The following GLYATL3 variants were observed in gnomAD, a reference collection of about 807,000 sequenced individuals.
GLYATL3 encodes the protein glycine N-acyltransferase-like protein 3.
A neutral mutation model predicts 28.5 loss-of-function variants in GLYATL3; 31 were observed. The ratio of observed to expected loss-of-function variants is 1.09; its 90% CI spans 0.82 to 1.47. The LOEUF is 1.47. GLYATL3 is among the 40% of genes most tolerant of loss of function. GLYATL3 has a pLI of 0.00. For synonymous variants in GLYATL3, 141 were observed against 140.2 expected, an observed-to-expected ratio of 1.01 and a Z score of -0.04; for missense variants, 369 against 351.5, an observed-to-expected ratio of 1.05 and a Z score of -0.40.
At chr6:49,521,256 T>C (rs778737110) in intron 4 of GLYATL3, among the ~76,000 whole-genome samples, 21 of 152,156 alleles carry the variant, frequency 1.4e-4, no homozygotes, top group Non-Finnish European at 1.3e-4. Flanking sequence ...GCCAAACAAA[T>C]CTAAGCTCTT....
intron 1 of GLYATL3, among the ~76,000 whole-genome samples, chr6:49,511,162 T>G (rs575019758): frequency 6.6e-6 from 1 of 152,046 alleles, no homozygotes; most frequent in Non-Finnish European, 1.5e-5. Context: ...GTAGGAAATA[T>G]TTTTTTTCTT....
intron 5 of GLYATL3, among the ~76,000 whole-genome samples, chr6:49,524,968 C>CAAA (rs911424000): frequency 1.7e-3 from 72 of 43,378 alleles, no homozygotes; most frequent in African/African-American, 3.1e-3. Flanking sequence ...GACTCCCTCT[C>CAAA]AAAAAAAAAA....
chr6:49,523,001 C>T (rs905873491), intron 5 of GLYATL3, among the ~76,000 whole-genome samples: 4 of 151,770 alleles, frequency 2.6e-5, no homozygotes, highest in African/African-American at 9.7e-5. Flanking sequence ...AAAAAAACAC[C>T]CACTATACGG....
intron 1 of GLYATL3, among the ~76,000 whole-genome samples, chr6:49,500,722 C>A (rs1165017049): frequency 6.6e-6 from 1 of 152,098 alleles, no homozygotes; most frequent in Non-Finnish European, 1.5e-5. Context: ...CCTTTAACTT[C>A]CAATTCCAGA....
intron 5 of GLYATL3, among the ~76,000 whole-genome samples, chr6:49,525,623 C>G (rs1239971108): frequency 1.6e-5 from 2 of 128,952 alleles, no homozygotes; most frequent in Non-Finnish European, 3.3e-5. Flanking sequence ...GAGCAAAGAA[C>G]AGTTCATGAA....
rs1311995101 is a variant in GLYATL3 at position 49,527,499 on chromosome 6, T to C, written c.*585T>C. ...TGGGAATGTTCAAATATAGTGGTTCTTACATTTTAGTGTTTATCAGAATCA... is the reference window on the plus strand; with the variant it reads ...TGGGAATGTTCAAATATAGTGGTTCCTACATTTTAGTGTTTATCAGAATCA... On this transcript the variant is annotated 3_prime_UTR_variant, in exon 6 of 6. Transcript: ENST00000371197. Among the ~76,000 whole-genome samples the C allele has an allele frequency of 6.6e-6, 1 of 152,210 alleles. No homozygotes were observed. Among genetic ancestry groups the C allele is most frequent in the Non-Finnish European group, 1.5e-5 (1 of 68,044 alleles).
chr6:49,516,516 C>G (rs576265473), intron 3 of GLYATL3, among the ~76,000 whole-genome samples: 2 of 152,172 alleles, frequency 1.3e-5, no homozygotes, highest in East Asian at 3.9e-4. Flanking sequence ...GAGGTACCGT[C>G]CTGACCACAT....
chr6:49,515,699 A>G lies in GLYATL3; in HGVS notation c.125A>G (p.Lys42Arg). ...ATAAATCGTGGGAACCCCTTTCAAA[A>G]GGAAGTGGTGTTGGATTCATGGCCG... Reference protein sequence around the residue: ...MNINRGNPFQKEVVLDSWPDF... With the variant: ...MNINRGNPFQREVVLDSWPDF... Residue 42 changes from lysine (K) to arginine (R), a missense_variant, in exon 3 of 6, where the codon AAG (lysine) becomes AGG (arginine). Lys to Arg is a conservative substitution (Grantham distance 26). Transcript: ENST00000371197. 1 of 1,551,490 alleles carries G rather than the reference A, an allele frequency of 6.4e-7. No homozygotes were observed. Among genetic ancestry groups the G allele is most frequent in the Non-Finnish European group, 8.7e-7 (1 of 1,146,686 alleles).
chr6:49,502,001 G>A (rs1768922247), intron 1 of GLYATL3, among the ~76,000 whole-genome samples: 1 of 152,156 alleles, frequency 6.6e-6, no homozygotes, highest in South Asian at 2.1e-4. Context: ...ACGTGCTATT[G>A]GTTCATTCTG....
intron 5 of GLYATL3, among the ~76,000 whole-genome samples, chr6:49,524,991 AG>A (rs1422140097): frequency 0.02 from 2,862 of 146,246 alleles, 98 homozygotes; most frequent in African/African-American, 0.063. Flanking sequence ...AAAAAAAAAA[AG>A]AACAAACATT....
At chr6:49,522,012 T>A (rs1027507312) in intron 5 of GLYATL3, among the ~76,000 whole-genome samples, 15 of 152,174 alleles carry the variant, frequency 9.9e-5, no homozygotes, top group African/African-American at 3.6e-4. Flanking sequence ...TAGTTATAAA[T>A]GAACTCAGAA....
chr6:49,522,595 T>TA lies in GLYATL3; in HGVS notation c.440+831dup, dbSNP rs543330972. 1.8e-3 allele frequency among the ~76,000 whole-genome samples: 276 copies of TA among 152,234 alleles called. 1 individual carries two copies. The highest frequency in any genetic ancestry group is 5.9e-3 in the African/African-American group (247 of 41,542). The stretch of plus-strand genomic sequence containing the variant: ...ATGATTAAACCAAGCCAGTTAATAT[T>TA]AAAAAAAGTTGTAATATTTTCCTGA... On this transcript the variant is annotated intron_variant, in intron 5 of 5. Transcript: ENST00000371197.
intron 1 of GLYATL3, among the ~76,000 whole-genome samples, chr6:49,507,300 AG>A (rs748686963): frequency 1.3e-5 from 2 of 152,162 alleles, no homozygotes; most frequent in Non-Finnish European, 2.9e-5. Context: ...AAACAGAAAT[AG>A]GAAGTAAAAC....
intron 2 of GLYATL3, among the ~76,000 whole-genome samples, chr6:49,515,098 T>C (rs2127432680): frequency 6.6e-6 from 1 of 152,308 alleles, no homozygotes; most frequent in East Asian, 1.9e-4. Flanking sequence ...AGAGCCTTGC[T>C]CCATCAAATC....
At chr6:49,520,385 TTATAA>T (rs1397566611) in intron 4 of GLYATL3, among the ~76,000 whole-genome samples, 1 of 152,182 alleles carries the variant, frequency 6.6e-6, no homozygotes, top group Non-Finnish European at 1.5e-5. Context: ...GAATTCAGTG[TTATAA>T]TATGAGATAC....
In GLYATL3 at chr6:49,526,494, G is replaced by A. The variant is rs1268550428; in HGVS notation, c.447G>A (p.Gly149=). The A allele has an allele frequency of 4.5e-6, 7 of 1,551,046 alleles. No individual in the cohort carries two copies. The African/African-American group carries it at 9.6e-5, about 21-fold the overall frequency. Residue 149 remains glycine (G), a synonymous_variant, in exon 6 of 6, where the codon GGG becomes GGA. Transcript: ENST00000371197. The part of the protein sequence containing the change: ...SSLPDTSFLK[G]PSPRLTYLSV... ...TTGTGTCATTCTGGTCTAGCAAGGG[G>A]CCTTCCCCACGACTAACCTACCTGA...
chr6:49,512,061 CA>C lies in GLYATL3; in HGVS notation c.72del (p.Leu25SerfsTer7), dbSNP rs1454530613. 1 of 1,285,424 alleles carries C rather than the reference CA, an allele frequency of 7.8e-7. No homozygotes were observed. The highest frequency in any genetic ancestry group is 1.3e-5 in the South Asian group (1 of 74,800). 79.6% of individuals were successfully genotyped at this position (1,285,424 alleles called of 1,614,324 possible). A position where few individuals can be genotyped will look rare whatever the true frequency, so the allele number is the denominator to read the frequency against. On this transcript the variant is annotated frameshift_variant, in exon 2 of 6. Transcript: ENST00000371197. LOFTEE classifies it high-confidence loss of function. ...EKMLKSCFPESLKVYGAVMNI... is the reference protein window; with the variant it reads ...EKMLKSCFPEXLKVYGAVMNI... Reference sequence around the variant, plus strand: ...ATGTTGAAGAGTTGCTTTCCTGAATCACTCAAGGTACCATAAAATTAATAAT... The same window carrying C: ...ATGTTGAAGAGTTGCTTTCCTGAATCCTCAAGGTACCATAAAATTAATAAT...
At chr6:49,516,629 A>G (rs932492781) in intron 3 of GLYATL3, among the ~76,000 whole-genome samples, 10 of 151,974 alleles carry the variant, frequency 6.6e-5, no homozygotes, top group Non-Finnish European at 1.5e-5. Context: ...TGTGAAATAG[A>G]TGTCTTAAAA....
chr6:49,523,801 G>A lies in GLYATL3; in HGVS notation c.440+2030G>A, dbSNP rs979962917. 2.7e-4 allele frequency among the ~76,000 whole-genome samples: 41 copies of A among 152,176 alleles called. 1 individual carries two copies. The highest frequency in any genetic ancestry group is 5.9e-4 in the Admixed American group (9 of 15,290). On this transcript the variant is annotated intron_variant, in intron 5 of 5. Coordinates refer to ENST00000371197, the MANE Select transcript of GLYATL3 (RefSeq NM_001010904.2). Reference sequence around the variant, plus strand: ...CTTTAATACATCTGAAGTTTCCTTTGACTTATAAGTTCCCCTTCATCTTTA... The same window carrying A: ...CTTTAATACATCTGAAGTTTCCTTTAACTTATAAGTTCCCCTTCATCTTTA...
Sources: gnomAD v4.1 joint callset for allele counts (sites outside exome capture counted in the v4.1 genomes callset) on GRCh38, gnomAD v4.1.1 for gene constraint, MANE v1.5 for transcripts, NCBI Gene and HGNC (gene_info 2026-07-23, HGNC 2026-07-21) for gene names.